The following THRB variants were observed in gnomAD, a reference collection of about 807,000 sequenced individuals.
THRB encodes thyroid hormone receptor beta, also known as nuclear receptor subfamily 1 group A member 2.
THRB carries 12 observed loss-of-function variants against 47.8 expected under a neutral mutation model. The observed-to-expected ratio is 0.25, with a 90% confidence interval of 0.16 to 0.41. The LOEUF (loss-of-function observed/expected upper bound fraction) is 0.41. Ranked by LOEUF, THRB falls within the 10% of genes least tolerant of loss-of-function variation. The pLI is 1.00. For synonymous variants in THRB, 218 were observed against 212.2 expected, an observed-to-expected ratio of 1.03 and a Z score of -0.24; for missense variants, 348 against 589.2, an observed-to-expected ratio of 0.59 and a Z score of 4.24.
intron 1 of THRB, among the ~76,000 whole-genome samples, chr3:24,473,740 C>T (rs1461963076): frequency 1.3e-5 from 2 of 151,428 alleles, no homozygotes; most frequent in Non-Finnish European, 3.0e-5. Context: ...ACATATACAC[C>T]ACATATACTA....
At chr3:24,411,567 AAAT>A (rs1051201402) in intron 1 of THRB, among the ~76,000 whole-genome samples, 2 of 151,690 alleles carry the variant, frequency 1.3e-5, no homozygotes, top group African/African-American at 4.8e-5. Flanking sequence ...CTAATATTAT[AAAT>A]AATAATAATA....
At chr3:24,329,780 T>G (rs937491130) in intron 2 of THRB, among the ~76,000 whole-genome samples, 5 of 152,240 alleles carry the variant, frequency 3.3e-5, no homozygotes, top group African/African-American at 1.2e-4. Context: ...CTAGTTGTCT[T>G]GATGAAAAAT....
chr3:24,296,018 C>T lies in THRB; in HGVS notation c.-43+1208G>A, dbSNP rs1048874866. 3.9e-5 allele frequency among the ~76,000 whole-genome samples: 6 copies of T among 152,138 alleles called. No individual in the cohort carries two copies. The South Asian group carries it at 1.2e-3, about 32-fold the overall frequency. On this transcript the variant is annotated intron_variant, in intron 3 of 10. Coordinates refer to ENST00000646209, the MANE Select transcript of THRB (RefSeq NM_001354712.2). ...GACAGCACAGATAGGTGATCTAGGT[C>T]CTTCTGATCTAAAGATTATTTGCTC...
At position 24,122,899 on chromosome 3, in the gene THRB, T is replaced by C; in HGVS notation, c.1371A>G (p.Glu457=). The change falls in exon 11 of 11, where the codon GAA becomes GAG. Residue 457 remains glutamate, a synonymous_variant. Transcript: ENST00000646209. Reference sequence around the variant, plus strand: ...TCCAGTCAGTCTAATCCTCGAACACTTCCAAGAACAAAGGGGGGAAGAGTT... The same window carrying C: ...TCCAGTCAGTCTAATCCTCGAACACCTCCAAGAACAAAGGGGGGAAGAGTT... ...PTELFPPLFL[E]VFED 1.9e-6 allele frequency: 3 copies of C among 1,614,196 alleles called. No individual in the cohort carries two copies. Among genetic ancestry groups the C allele is most frequent in the Non-Finnish European group, 2.5e-6 (3 of 1,180,026 alleles).
chr3:24,189,561 A>G (rs1030206731), intron 5 of THRB, among the ~76,000 whole-genome samples: 5 of 152,152 alleles, frequency 3.3e-5, no homozygotes, highest in Non-Finnish European at 7.3e-5. Context: ...TAACACCATA[A>G]TCTCTCCTTT....
chr3:24,188,748 G>A (rs2042925562), intron 5 of THRB, among the ~76,000 whole-genome samples: 3 of 20,768 alleles, frequency 1.4e-4, no homozygotes, highest in Non-Finnish European at 7.6e-5. Context: ...TTTTGCGCAC[G>A]CACACACGTG....
At chr3:24,190,673 C>T (rs1352601733) in intron 4 of THRB, among the ~76,000 whole-genome samples, 1 of 151,918 alleles carries the variant, frequency 6.6e-6, no homozygotes, top group African/African-American at 2.4e-5. Flanking sequence ...GCTTAGATGA[C>T]CATTTGAGGT....
intron 5 of THRB, among the ~76,000 whole-genome samples, chr3:24,167,585 T>C (rs2039815106): frequency 1.3e-5 from 2 of 152,174 alleles, no homozygotes; most frequent in Non-Finnish European, 2.9e-5. Flanking sequence ...TTCCCAAGCC[T>C]AATCTGAAAA....
intron 1 of THRB, among the ~76,000 whole-genome samples, chr3:24,368,282 T>C (rs565150994): frequency 2.6e-5 from 4 of 152,130 alleles, no homozygotes; most frequent in Non-Finnish European, 5.9e-5. Context: ...GGGTCCTCTT[T>C]GTGCCCCCTG....
At chr3:24,375,787 G>T (rs186181476) in intron 1 of THRB, among the ~76,000 whole-genome samples, 20 of 151,000 alleles carry the variant, frequency 1.3e-4, no homozygotes, top group South Asian at 8.3e-4. Flanking sequence ...GCTGGAATTT[G>T]ATTTTCTTTT....
intron 4 of THRB, among the ~76,000 whole-genome samples, chr3:24,199,730 A>T (rs1015805770): frequency 1.3e-5 from 2 of 152,254 alleles, no homozygotes; most frequent in African/African-American, 4.8e-5. Flanking sequence ...GTTTGTGTTT[A>T]TAACATTTAT....
intron 3 of THRB, among the ~76,000 whole-genome samples, chr3:24,289,597 T>G (rs2055710880): frequency 6.6e-6 from 1 of 152,194 alleles, no homozygotes; most frequent in South Asian, 2.1e-4. Context: ...CTTTCAGAAA[T>G]GACGTGAAAA....
intron 1 of THRB, among the ~76,000 whole-genome samples, chr3:24,376,645 C>CA (rs11391652): frequency 0.58 from 87,870 of 151,472 alleles, 25,953 homozygotes; most frequent in African/African-American, 0.67. Flanking sequence ...GCTGAGACTC[C>CA]AAAAAAAGGC....
chr3:24,475,425 A>T (rs1281239988), intron 1 of THRB, among the ~76,000 whole-genome samples: 1 of 152,160 alleles, frequency 6.6e-6, no homozygotes, highest in Non-Finnish European at 1.5e-5. Context: ...TTCAAATTAC[A>T]CATACTTAAT....
chr3:24,274,467 T>TA (rs759128158), intron 3 of THRB, among the ~76,000 whole-genome samples: 9 of 152,174 alleles, frequency 5.9e-5, no homozygotes, highest in Admixed American at 1.3e-4. Flanking sequence ...TACCAAATAT[T>TA]AAAAAATTAT....
At chr3:24,367,278 T>A (rs1405888578) in intron 1 of THRB, among the ~76,000 whole-genome samples, 1 of 152,162 alleles carries the variant, frequency 6.6e-6, no homozygotes, top group Non-Finnish European at 1.5e-5. Context: ...GCCTTCAAAG[T>A]CAGACTGGTG....
intron 1 of THRB, among the ~76,000 whole-genome samples, chr3:24,460,652 G>T (rs1392648011): frequency 6.6e-6 from 1 of 152,178 alleles, no homozygotes; most frequent in Non-Finnish European, 1.5e-5. Flanking sequence ...CCAGAGTTAT[G>T]CTGTAGTTAT....
chr3:24,372,775 T>C (rs1338394198), intron 1 of THRB, among the ~76,000 whole-genome samples: 1 of 152,026 alleles, frequency 6.6e-6, no homozygotes, highest in African/African-American at 2.4e-5. Flanking sequence ...ACACAGTACA[T>C]AGAGCTGGAG....
At chr3:24,307,867 G>A (rs2057468820) in intron 2 of THRB, among the ~76,000 whole-genome samples, 1 of 152,154 alleles carries the variant, frequency 6.6e-6, no homozygotes, top group Admixed American at 6.5e-5. Flanking sequence ...GTTGCCTCCA[G>A]GAGTTTCAGG....
Sources: gnomAD v4.1 joint callset for allele counts (sites outside exome capture counted in the v4.1 genomes callset) on GRCh38, gnomAD v4.1.1 for gene constraint, MANE v1.5 for transcripts, NCBI Gene and HGNC (gene_info 2026-07-23, HGNC 2026-07-21) for gene names.